TRAF3IP2: variants seen among roughly 807,000 people sequenced by gnomAD.
The protein encoded by TRAF3IP2 is E3 ubiquitin ligase TRAF3IP2.
In TRAF3IP2, 35 loss-of-function variants were observed where a neutral mutation model predicts 57.9. That is an observed-to-expected ratio of 0.60 (90% CI 0.46 to 0.80). The LOEUF (loss-of-function observed/expected upper bound fraction) is 0.80. TRAF3IP2 is among the 30% of genes least tolerant of loss of function. The probability of loss-of-function intolerance (pLI) is 0.00; values close to 1 mark genes in which losing one functional copy is unlikely to be tolerated. For synonymous variants in TRAF3IP2, 251 were observed against 268.9 expected, an observed-to-expected ratio of 0.93 and a Z score of 0.65; for missense variants, 556 against 706.4, an observed-to-expected ratio of 0.79 and a Z score of 2.41.
At chr6:111,604,756 A>T (rs1397058187) in intron 1 of TRAF3IP2, among the ~76,000 whole-genome samples, 1 of 152,208 alleles carries the variant, frequency 6.6e-6, no homozygotes, top group East Asian at 1.9e-4. Context: ...TGGGAGGTAG[A>T]AAAATATCAG....
intron 1 of TRAF3IP2, chr6:111,601,238 T>C: frequency 1.3e-6 from 1 of 769,990 alleles, no homozygotes; most frequent in East Asian, 2.4e-5. Context: ...CTGTGTTCTG[T>C]ACAGCATCAC....
At chr6:111,581,423 C>T (rs1318158998) in intron 2 of TRAF3IP2, among the ~76,000 whole-genome samples, 3 of 152,076 alleles carry the variant, frequency 2.0e-5, no homozygotes, top group Admixed American at 1.3e-4. Flanking sequence ...CAGGAGGAGG[C>T]GTAACTAGTT....
intron 1 of TRAF3IP2, chr6:111,602,319 T>TC (rs56340828): frequency 6.6e-6 from 1 of 151,934 alleles, no homozygotes; most frequent in African/African-American, 2.4e-5. Flanking sequence ...TTTTTTTTTT[T>TC]CTGTCGTTGT....
chr6:111,601,595 G>C (rs1205973152), intron 1 of TRAF3IP2: 1 of 169,560 alleles, frequency 5.9e-6, no homozygotes, highest in African/African-American at 2.4e-5. Flanking sequence ...CATATTAACA[G>C]CTCCTCCATA....
chr6:111,600,926 A>G (rs1057386171), intron 1 of TRAF3IP2: 9 of 315,946 alleles, frequency 2.8e-5, no homozygotes, highest in Admixed American at 1.4e-4. Context: ...CACCCACTCT[A>G]ATTTCCTAAG....
chr6:111,575,969 G>A, intron 3 of TRAF3IP2, 148 bp from the exon 4 acceptor site: 1 of 773,914 alleles, frequency 1.3e-6, no homozygotes. Context: ...GAAGAGGGGA[G>A]CTCCATGGAG....
chr6:111,580,532 G>C (rs1562427433), intron 2 of TRAF3IP2, 143 bp from the exon 3 acceptor site: 4 of 604,230 alleles, frequency 6.6e-6, no homozygotes, highest in Non-Finnish European at 1.0e-5. Context: ...GATGTTTGCC[G>C]TATTTCTCTA....
At chr6:111,583,552 C>T (rs1562429312) in intron 2 of TRAF3IP2, among the ~76,000 whole-genome samples, 1 of 152,160 alleles carries the variant, frequency 6.6e-6, no homozygotes, top group South Asian at 2.1e-4. Context: ...CTAGGCTGCA[C>T]GCTCCTTATG....
intron 1 of TRAF3IP2, among the ~76,000 whole-genome samples, chr6:111,602,918 T>C (rs1461643604): frequency 6.6e-6 from 1 of 151,984 alleles, no homozygotes; most frequent in East Asian, 1.9e-4. Flanking sequence ...GGCTGGGAGC[T>C]CCGGTCAGTC....
At chr6:111,580,918 C>T (rs1198231799) in intron 2 of TRAF3IP2, among the ~76,000 whole-genome samples, 18 of 152,240 alleles carry the variant, frequency 1.2e-4, no homozygotes, top group Admixed American at 1.2e-3. Flanking sequence ...GAAAACTTGG[C>T]TCATCCTCCT....
chr6:111,587,737 C>A (rs537608185), intron 2 of TRAF3IP2, among the ~76,000 whole-genome samples: 66 of 152,178 alleles, frequency 4.3e-4, no homozygotes, highest in African/African-American at 1.5e-3. Flanking sequence ...CACTGCAGCT[C>A]TTGCCTTTCA....
chr6:111,575,133 A>G (rs886168812), intron 4 of TRAF3IP2, among the ~76,000 whole-genome samples: 1 of 152,000 alleles, frequency 6.6e-6, no homozygotes, highest in Admixed American at 6.6e-5. Flanking sequence ...CTGAGGTGGG[A>G]GAATCACCTG....
At chr6:111,575,890 T>C in intron 3 of TRAF3IP2, 69 bp from the exon 4 acceptor site, 1 of 1,453,264 alleles carries the variant, frequency 6.9e-7, no homozygotes, top group Non-Finnish European at 9.4e-7. Flanking sequence ...ACAGAAAGAC[T>C]TTTAGAACTA....
At chr6:111,570,356 G>A (rs555534105) in intron 5 of TRAF3IP2, among the ~76,000 whole-genome samples, 77 of 152,274 alleles carry the variant, frequency 5.1e-4, no homozygotes, top group African/African-American at 1.7e-3. Flanking sequence ...AGACCTAGGG[G>A]CAGTAACAAC....
chr6:111,604,225 ATTTT>A (rs112518943), intron 1 of TRAF3IP2, among the ~76,000 whole-genome samples: 2 of 151,792 alleles, frequency 1.3e-5, no homozygotes, highest in African/African-American at 4.8e-5. Flanking sequence ...AACAATGACA[ATTTT>A]TTTTTAAGTC....
rs1224938165 is a variant in TRAF3IP2, at chr6:111,556,133, T to C, written c.*3272A>G. Among the ~76,000 whole-genome samples, 1 of 150,144 alleles carries C rather than the reference T, an allele frequency of 6.7e-6. No homozygotes were observed. The highest frequency in any genetic ancestry group is 2.4e-5 in the African/African-American group (1 of 40,910). On this transcript the variant is annotated 3_prime_UTR_variant, in exon 9 of 9. Transcript: ENST00000368761. ...AAAAAAAAAAAAAATGCTTTGATGT[T>C]GGTGGTCATCGGATCTCATAGAAAT...
At chr6:111,565,988 A>C (rs1464170163) in intron 7 of TRAF3IP2, among the ~76,000 whole-genome samples, 1 of 152,184 alleles carries the variant, frequency 6.6e-6, no homozygotes, top group East Asian at 1.9e-4. Context: ...TACATGAGGA[A>C]GCCAACTTTA....
intron 1 of TRAF3IP2, among the ~76,000 whole-genome samples, chr6:111,596,902 G>T (rs1196437902): frequency 1.3e-5 from 2 of 152,184 alleles, no homozygotes; most frequent in East Asian, 3.9e-4. Flanking sequence ...TGGCCTGGGG[G>T]CATGATTTTT....
Position 111,591,719 on chromosome 6 carries a change from C to T in TRAF3IP2, c.368G>A (p.Gly123Glu), listed in dbSNP as rs1315077499. 1 of 1,614,098 alleles carries T rather than the reference C, an allele frequency of 6.2e-7. No individual in the cohort carries two copies. Among genetic ancestry groups the T allele is most frequent in the African/African-American group, 1.3e-5 (1 of 74,938 alleles). ...VSEPASESVV[G>E]ALPAEHQFSF... Reference sequence around the variant, plus strand: ...AAACTGATGCTCTGCAGGGAGGGCTCCAACCACAGACTCAGACGCAGGCTC... The same window carrying T: ...AAACTGATGCTCTGCAGGGAGGGCTTCAACCACAGACTCAGACGCAGGCTC... Residue 123 changes from glycine (G) to glutamate (E), a missense_variant, in exon 2 of 9, where the codon GGA becomes GAA. Physicochemically the swap from Gly to Glu is moderately conservative, Grantham distance 98. Coordinates refer to ENST00000368761, the MANE Select transcript of TRAF3IP2 (RefSeq NM_147686.4). The surrounding 1 kb of genome is among the most constrained non-coding windows in gnomAD (Gnocchi z 4.9).
Sources: gnomAD v4.1 joint callset for allele counts (sites outside exome capture counted in the v4.1 genomes callset) on GRCh38, gnomAD v4.1.1 for gene constraint, Gnocchi (gnomAD v3.1) non-coding constraint, MANE v1.5 for transcripts, NCBI Gene and HGNC (gene_info 2026-07-23, HGNC 2026-07-21) for gene names.